The following FANCM variants were observed in gnomAD, a reference collection of about 807,000 sequenced individuals.
The protein encoded by FANCM is Fanconi anemia group M protein.
FANCM carries 140 observed loss-of-function variants against 199.5 expected under a neutral mutation model. That is an observed-to-expected ratio of 0.70 (90% CI 0.61 to 0.81). FANCM has a LOEUF of 0.81. Ranked by LOEUF, FANCM falls within the 30% of genes least tolerant of loss-of-function variation. The probability of loss-of-function intolerance (pLI) is 0.00; values close to 1 mark genes in which losing one functional copy is unlikely to be tolerated. For missense variants in FANCM, 2,410 were observed against 2,421.4 expected, an observed-to-expected ratio of 1.00 and a Z score of 0.10; for synonymous variants, 840 against 836.8, an observed-to-expected ratio of 1.00 and a Z score of -0.07.
In FANCM at chr14:45,175,712, A is replaced by C. The variant is rs779452715; in HGVS notation, c.2958A>C (p.Val986=). 3 of 1,613,916 alleles carry C rather than the reference A, an allele frequency of 1.9e-6. No individual in the cohort carries two copies. The highest frequency in any genetic ancestry group is 2.5e-6 in the Non-Finnish European group (3 of 1,179,872). Residue 986 remains valine (V), a synonymous_variant, in exon 14 of 23, where the codon GTA becomes GTC. Coordinates refer to ENST00000267430, the MANE Select transcript of FANCM (RefSeq NM_020937.4). ...ATTGTCACTCATTGACAAAAGAGGT[A>C]CTAGCTAATGTAGAGAGATTTTTAT... ...FYNCHSLTKE[V]LANVERFLSY...
At chr14:45,156,114 C>T (rs1484516432) in intron 8 of FANCM, among the ~76,000 whole-genome samples, 2 of 152,026 alleles carry the variant, frequency 1.3e-5, no homozygotes, top group Admixed American at 6.6e-5. Flanking sequence ...TAGAAGACTT[C>T]TCTGTAGAGG....
rs886050500 is a variant in FANCM at position 45,176,081 on chromosome 14, T to C, written c.3327T>C (p.Asn1109=). 6.2e-7 allele frequency: 1 copy of C among 1,614,050 alleles called. No homozygotes were observed. Among genetic ancestry groups the C allele is most frequent in the Non-Finnish European group, 8.5e-7 (1 of 1,179,956 alleles). ...RVQIHRSPAQ[N]LVGENNHDVD... is the part of the protein sequence containing the mutation. ...AAATACACAGAAGCCCTGCACAGAATTTAGTTGGAGAGAACAATCATGATG... is the reference window on the plus strand; with the variant it reads ...AAATACACAGAAGCCCTGCACAGAACTTAGTTGGAGAGAACAATCATGATG... Residue 1109 remains asparagine (N), a synonymous_variant, in exon 14 of 23, where the codon AAT becomes AAC. Coordinates refer to ENST00000267430, the MANE Select transcript of FANCM (RefSeq NM_020937.4).
Position 45,140,659 on chromosome 14 carries a change from A to T in FANCM, c.709A>T (p.Asn237Tyr), listed in dbSNP as rs754852972. ...QVVRELVKYT[N>Y]HFRILALSAT... Reference sequence around the variant, plus strand: ...TGTAAGAGAACTAGTCAAATATACAAATCACTTTAGAATCTTGGCTCTAAG... The same window carrying T: ...TGTAAGAGAACTAGTCAAATATACATATCACTTTAGAATCTTGGCTCTAAG... The change falls in exon 3 of 23, where the codon AAT becomes TAT. Residue 237 changes from asparagine (N) to tyrosine (Y), a missense_variant. Physicochemically the swap from Asn to Tyr is moderately radical, Grantham distance 143. Coordinates refer to ENST00000267430, the MANE Select transcript of FANCM (RefSeq NM_020937.4). 5.0e-6 allele frequency: 8 copies of T among 1,603,206 alleles called. No homozygotes were observed. Among genetic ancestry groups the T allele is most frequent in the Non-Finnish European group, 6.8e-6 (8 of 1,170,724 alleles).
chr14:45,182,775 G>GT (rs1466176722), intron 16 of FANCM, among the ~76,000 whole-genome samples: 3 of 152,050 alleles, frequency 2.0e-5, no homozygotes, highest in African/African-American at 7.2e-5. Flanking sequence ...CATCATAAAT[G>GT]GAAAACATTG....
At chr14:45,179,715 C>G (rs1888945674) in intron 14 of FANCM, among the ~76,000 whole-genome samples, 1 of 151,926 alleles carries the variant, frequency 6.6e-6, no homozygotes, top group Admixed American at 6.6e-5. Flanking sequence ...GCGCCTGCCA[C>G]CACGCCCGAC....
chr14:45,188,941 A>AG lies in FANCM; in HGVS notation c.4920dup (p.Tyr1641ValfsTer2). On this transcript the variant is annotated frameshift_variant, in exon 20 of 23. Coordinates refer to ENST00000267430, the MANE Select transcript of FANCM (RefSeq NM_020937.4). LOFTEE classifies it high-confidence loss of function. ...GATGATTGCTTTGCAAATAGTAAAA[A>AG]GTATAAAACTCGACGTGCAGTAATG... is the stretch of plus-strand genomic sequence containing the variant. The AG allele has an allele frequency of 6.2e-7, 1 of 1,614,036 alleles. No individual in the cohort carries two copies. Among genetic ancestry groups the AG allele is most frequent in the African/African-American group, 1.3e-5 (1 of 75,052 alleles).
intron 3 of FANCM, among the ~76,000 whole-genome samples, chr14:45,145,274 A>G (rs147761241): frequency 6.6e-6 from 1 of 151,586 alleles, no homozygotes; most frequent in East Asian, 2.0e-4. Context: ...CGTTTATGTG[A>G]GCTGCCCAGA....
chr14:45,148,785 C>A, intron 3 of FANCM, 52 bp from the exon 4 acceptor site: 1 of 1,357,498 alleles, frequency 7.4e-7, no homozygotes, highest in Non-Finnish European at 1.0e-6. Context: ...GTGACTTAAA[C>A]TAAAAAATTT....
At chr14:45,136,664 G>A (rs1218838331) in intron 1 of FANCM, 125 bp downstream of exon 1, 7 of 890,744 alleles carry the variant, frequency 7.9e-6, no homozygotes, top group Non-Finnish European at 1.3e-5. Flanking sequence ...CTTGCAGCAA[G>A]CCCAAAACTG....
At chr14:45,179,181 A>G (rs1888903097) in intron 14 of FANCM, among the ~76,000 whole-genome samples, 1 of 152,188 alleles carries the variant, frequency 6.6e-6, no homozygotes, top group African/African-American at 2.4e-5. Flanking sequence ...CCTGGGCAAC[A>G]AAGTGAGGCT....
intron 10 of FANCM, among the ~76,000 whole-genome samples, chr14:45,165,635 A>T (rs1887917379): frequency 6.6e-6 from 1 of 152,198 alleles, no homozygotes; most frequent in Non-Finnish European, 1.5e-5. Context: ...AATACTTTTC[A>T]TGTGATTATA....
chr14:45,173,350 T>C (rs1186510507), intron 13 of FANCM, 140 bp downstream of exon 13: 1 of 755,760 alleles, frequency 1.3e-6, no homozygotes, highest in Non-Finnish European at 2.3e-6. Context: ...AGAATGAGTT[T>C]TCTGCCTTAA....
chr14:45,144,451 C>T (rs1482547065), intron 3 of FANCM, among the ~76,000 whole-genome samples: 1 of 152,008 alleles, frequency 6.6e-6, no homozygotes, highest in Non-Finnish European at 1.5e-5. Context: ...CTCCAGGCCC[C>T]GGGCAAGTCC....
chr14:45,164,603 A>G (rs1408478580), intron 10 of FANCM, 38 bp downstream of exon 10: 5 of 1,460,956 alleles, frequency 3.4e-6, no homozygotes, highest in Non-Finnish European at 3.8e-6. Context: ...GACACTTGAA[A>G]TTTGAGAAAT....
chr14:45,174,130 G>A (rs1888513142), intron 13 of FANCM, among the ~76,000 whole-genome samples: 1 of 151,796 alleles, frequency 6.6e-6, no homozygotes, highest in African/African-American at 2.4e-5. Context: ...GCTCATGCCT[G>A]TAATCTCAGG....
At chr14:45,197,943 A>AT (rs1295167446) in intron 21 of FANCM, among the ~76,000 whole-genome samples, 2 of 148,572 alleles carry the variant, frequency 1.3e-5, no homozygotes, top group African/African-American at 5.0e-5. Context: ...TTTTTTTTAT[A>AT]TTTTTTGTAG....
At chr14:45,147,669 G>A (rs1284756928) in intron 3 of FANCM, among the ~76,000 whole-genome samples, 6 of 151,938 alleles carry the variant, frequency 3.9e-5, no homozygotes, top group African/African-American at 1.5e-4. Flanking sequence ...CAAGGTGGGC[G>A]GATCACAGAA....
At chr14:45,162,180 G>A (rs965167223) in intron 9 of FANCM, among the ~76,000 whole-genome samples, 1 of 152,152 alleles carries the variant, frequency 6.6e-6, no homozygotes, top group Non-Finnish European at 1.5e-5. Context: ...GAGGTCAGGA[G>A]TTTGAGACCA....
chr14:45,169,746 T>G (rs1295441555), intron 11 of FANCM, among the ~76,000 whole-genome samples: 4 of 152,170 alleles, frequency 2.6e-5, no homozygotes, highest in Non-Finnish European at 5.9e-5. Context: ...TCATCTGTAT[T>G]AGCCAGAGTT....
Sources: gnomAD v4.1 joint callset for allele counts (sites outside exome capture counted in the v4.1 genomes callset) on GRCh38, gnomAD v4.1.1 for gene constraint, MANE v1.5 for transcripts, NCBI Gene and HGNC (gene_info 2026-07-23, HGNC 2026-07-21) for gene names.